The following FRYL variants were observed in gnomAD, a reference collection of about 807,000 sequenced individuals.
The protein encoded by FRYL is protein furry homolog-like.
In FRYL, 150 loss-of-function variants were observed where a neutral mutation model predicts 351.2. The ratio of observed to expected loss-of-function variants is 0.43; its 90% CI spans 0.37 to 0.49. The LOEUF (loss-of-function observed/expected upper bound fraction) is 0.49, where lower values mean the gene tolerates loss of function less well. Among genes scored for constraint, FRYL ranks in the 20% least tolerant of loss-of-function variants. FRYL has a pLI of 0.00. For missense variants in FRYL, 3,036 were observed against 3,619.3 expected (o/e 0.84, Z 4.13); for synonymous variants, 1,153 against 1,257.1 (o/e 0.92, Z 1.75).
intron 35 of FRYL, among the ~76,000 whole-genome samples, chr4:48,554,965 C>T (rs1238551790): frequency 3.3e-5 from 5 of 152,144 alleles, no homozygotes; most frequent in Non-Finnish European, 5.9e-5. Flanking sequence ...AGGAAATTAC[C>T]GTTCTCTCTG....
chr4:48,627,430 A>C (rs988033402), intron 4 of FRYL, among the ~76,000 whole-genome samples: 6 of 152,148 alleles, frequency 3.9e-5, no homozygotes, highest in African/African-American at 1.4e-4. Flanking sequence ...GAGAGTGATA[A>C]ACTTTTCAGA....
chr4:48,716,415 C>A (rs186379259), intron 1 of FRYL, among the ~76,000 whole-genome samples: 1,707 of 151,332 alleles, frequency 0.011, 60 homozygotes, highest in South Asian at 0.02. Context: ...CAATGAACTC[C>A]AACAAATTTA....
intron 13 of FRYL, among the ~76,000 whole-genome samples, chr4:48,596,533 G>A (rs900424255): frequency 1.3e-5 from 2 of 152,084 alleles, no homozygotes; most frequent in Admixed American, 1.3e-4. Flanking sequence ...CTAAATCCAA[G>A]CTCCATCCTT....
chr4:48,589,893 T>A lies in FRYL; in HGVS notation c.1508-16A>T. 6.3e-7 allele frequency: 1 copy of A among 1,594,460 alleles called. No individual in the cohort carries two copies. Among genetic ancestry groups the A allele is most frequent in the Non-Finnish European group, 8.6e-7 (1 of 1,165,106 alleles). On this transcript the variant is annotated splice_polypyrimidine_tract_variant and intron_variant, in intron 17 of 63. Coordinates refer to ENST00000358350, the MANE Select transcript of FRYL (RefSeq NM_015030.2). ...ACTGACATTCCTAGGGGAAAAAACT[T>A]CACAGTTATAAAATATCTGAAATTA...
At position 48,522,952 on chromosome 4, in the gene FRYL, C is replaced by A; in HGVS notation, c.7470G>T (p.Ser2490=). The part of the protein sequence containing the change: ...LTNQEDTDES[S]EEEAALTASQ... ...TTGCTGTAAGTGCCGCTTCTTCTTCCGAGGACTCATCTGTATCCTCCTGAT... is the reference window on the plus strand; with the variant it reads ...TTGCTGTAAGTGCCGCTTCTTCTTCAGAGGACTCATCTGTATCCTCCTGAT... Residue 2490 remains serine, a synonymous_variant, in exon 54 of 64, where the codon TCG becomes TCT. Coordinates refer to ENST00000358350, the MANE Select transcript of FRYL (RefSeq NM_015030.2). 1 of 1,613,934 alleles carries A rather than the reference C, an allele frequency of 6.2e-7. No homozygotes were observed. The highest frequency in any genetic ancestry group is 1.1e-5 in the South Asian group (1 of 91,074).
intron 19 of FRYL, 34 bp from the exon 20 acceptor site, chr4:48,582,768 A>G (rs1741200418): frequency 1.5e-6 from 2 of 1,337,742 alleles, no homozygotes; most frequent in Admixed American, 3.4e-5. Context: ...GCAAACTTCA[A>G]TACCTTTCAA....
At chr4:48,716,054 G>T (rs1453290868) in intron 1 of FRYL, among the ~76,000 whole-genome samples, 1 of 151,996 alleles carries the variant, frequency 6.6e-6, no homozygotes, top group Non-Finnish European at 1.5e-5. Context: ...AATGGTGCTG[G>T]GAAAACTGGC....
chr4:48,502,893 G>A, intron 60 of FRYL, 48 bp from the exon 61 acceptor site: 1 of 1,514,384 alleles, frequency 6.6e-7, no homozygotes, highest in Non-Finnish European at 9.1e-7. Context: ...GGAAGAAAAA[G>A]ACCAAGAATT....
intron 10 of FRYL, among the ~76,000 whole-genome samples, chr4:48,606,212 G>A (rs1356486444): frequency 6.6e-6 from 1 of 151,628 alleles, no homozygotes; most frequent in East Asian, 1.9e-4. Flanking sequence ...GGTGGAGGTT[G>A]CAGTGAGCCG....
intron 4 of FRYL, among the ~76,000 whole-genome samples, chr4:48,632,306 T>C (rs2149363806): frequency 6.7e-6 from 1 of 149,962 alleles, no homozygotes; most frequent in South Asian, 2.1e-4. Context: ...TATACCATAA[T>C]CTTTAGTTTT....
chr4:48,508,239 G>A (rs1263817545), intron 59 of FRYL, among the ~76,000 whole-genome samples: 5 of 152,164 alleles, frequency 3.3e-5, no homozygotes, highest in Non-Finnish European at 4.4e-5. Flanking sequence ...AGCATTATTA[G>A]TTGTTTGAAT....
intron 2 of FRYL, among the ~76,000 whole-genome samples, chr4:48,699,935 CTAGAA>C (rs1766562325): frequency 6.6e-6 from 1 of 152,068 alleles, no homozygotes; most frequent in Non-Finnish European, 1.5e-5. Context: ...TTAATGTTAA[CTAGAA>C]TATTTATTAG....
chr4:48,527,221 C>A (rs1726457822), intron 53 of FRYL, among the ~76,000 whole-genome samples: 1 of 152,092 alleles, frequency 6.6e-6, no homozygotes, highest in South Asian at 2.1e-4. Flanking sequence ...TAAGTCTAAG[C>A]ATACCCTGAA....
At chr4:48,763,463 T>TA (rs957334364) in intron 1 of FRYL, among the ~76,000 whole-genome samples, 3 of 151,376 alleles carry the variant, frequency 2.0e-5, no homozygotes, top group South Asian at 2.1e-4. Context: ...CCTTGTCTCT[T>TA]AAAAAAAAAC....
intron 2 of FRYL, among the ~76,000 whole-genome samples, chr4:48,685,258 AATC>A (rs1399010516): frequency 6.6e-6 from 1 of 152,206 alleles, no homozygotes; most frequent in Non-Finnish European, 1.5e-5. Flanking sequence ...TAATAATAAT[AATC>A]AACTACTAAT....
intron 22 of FRYL, among the ~76,000 whole-genome samples, chr4:48,580,047 A>G (rs1161683044): frequency 8.8e-6 from 1 of 113,406 alleles, no homozygotes; most frequent in East Asian, 2.6e-4. Flanking sequence ...TAAAAAGTTT[A>G]GCATCATGGT....
intron 1 of FRYL, among the ~76,000 whole-genome samples, chr4:48,773,573 G>A (rs1293805476): frequency 2.6e-5 from 4 of 151,772 alleles, no homozygotes; most frequent in Admixed American, 1.3e-4. Flanking sequence ...GGTTTTCATA[G>A]GGGAAAAAAA....
intron 1 of FRYL, among the ~76,000 whole-genome samples, chr4:48,753,079 A>G (rs1412630332): frequency 6.6e-6 from 1 of 152,198 alleles, no homozygotes; most frequent in East Asian, 1.9e-4. Context: ...AAAACATGAC[A>G]TGATTTTTAA....
Position 48,546,234 on chromosome 4 carries a change from G to A in FRYL, c.5112C>T (p.Ser1704=), listed in dbSNP as rs758506607. 1.2e-6 allele frequency: 2 copies of A among 1,613,744 alleles called. No individual in the cohort carries two copies. The highest frequency in any genetic ancestry group is 1.1e-5 in the South Asian group (1 of 91,062). ...AGCTAAGCCCTGAGTCAGTCATAGG[G>A]GAGGGCTGGTAATCAGGTATAAAAT... ...INDFIPDYQP[S]PMTDSGLSSS... Residue 1704 remains serine, a synonymous_variant, in exon 42 of 64, where the codon TCC becomes TCT. Coordinates refer to ENST00000358350, the MANE Select transcript of FRYL (RefSeq NM_015030.2).
Sources: gnomAD v4.1 joint callset for allele counts (sites outside exome capture counted in the v4.1 genomes callset) on GRCh38, gnomAD v4.1.1 for gene constraint, MANE v1.5 for transcripts, NCBI Gene and HGNC (gene_info 2026-07-23, HGNC 2026-07-21) for gene names.